The following CAPN11 variants were observed in gnomAD, a reference collection of about 807,000 sequenced individuals.
CAPN11 encodes calpain-11.
Under a neutral mutation model 105.3 loss-of-function variants are expected in CAPN11, and 108 were observed. The observed-to-expected ratio is 1.03, with a 90% CI of 0.88 to 1.20. The LOEUF is 1.20. Among genes scored for constraint, CAPN11 ranks in the 50% most tolerant of loss-of-function variants. CAPN11 has a pLI of 0.00. For synonymous variants in CAPN11, 329 were observed against 344.5 expected, an observed-to-expected ratio of 0.96 and a Z score of 0.50; for missense variants, 883 against 924.8, an observed-to-expected ratio of 0.95 and a Z score of 0.59.
In CAPN11 at chr6:44,179,631, G is replaced by A; in HGVS notation, c.1428+1G>A. 5 of 1,613,244 alleles carry A rather than the reference G, an allele frequency of 3.1e-6. 1 individual carries two copies. The South Asian group carries it at 5.5e-5, about 18-fold the overall frequency. On this transcript the variant is annotated splice_donor_variant, in intron 13 of 22. Transcript: ENST00000398776. LOFTEE classifies it high-confidence loss of function. ...CTTCCCTTCCCAGGTCCCAAAAGAG[G>A]TACAGAAGATAAAGATGTGGGGCTT...
intron 7 of CAPN11, 53 bp downstream of exon 7, chr6:44,173,439 C>T: frequency 8.3e-7 from 1 of 1,206,974 alleles, no homozygotes; most frequent in South Asian, 1.3e-5. Context: ...GTTGCTGTCA[C>T]CCAAAAGGCT....
At chr6:44,158,972 C>T in intron 1 of CAPN11, 108 bp downstream of exon 1, 4 of 633,902 alleles carry the variant, frequency 6.3e-6, no homozygotes, top group Non-Finnish European at 9.3e-6. Flanking sequence ...CTTGAGGGTA[C>T]AGAGAGTGAC....
At chr6:44,172,762 C>T (rs1344999881) in intron 5 of CAPN11, among the ~76,000 whole-genome samples, 178 bp from the exon 6 acceptor site, 3 of 152,214 alleles carry the variant, frequency 2.0e-5, no homozygotes, top group Admixed American at 6.5e-5. Context: ...CCTCTGGAGA[C>T]CGTGGCAGAA....
intron 18 of CAPN11, 48 bp from the exon 19 acceptor site, chr6:44,181,204 T>C (rs1412111465): frequency 6.4e-7 from 1 of 1,561,138 alleles, no homozygotes; most frequent in Non-Finnish European, 8.8e-7. Flanking sequence ...CCCTATCCCC[T>C]GGGATGCCTT....
intron 4 of CAPN11, among the ~76,000 whole-genome samples, chr6:44,170,507 G>T (rs1289258087): frequency 6.6e-6 from 1 of 152,146 alleles, no homozygotes; most frequent in Non-Finnish European, 1.5e-5. Context: ...TTCTCCATGG[G>T]GCTGCTTGAG....
At chr6:44,167,798 C>G (rs62401793) in intron 2 of CAPN11, among the ~76,000 whole-genome samples, 3,127 of 152,016 alleles carry the variant, frequency 0.021, 91 homozygotes, top group Non-Finnish European at 0.027. Context: ...CACCTGTGGT[C>G]CCAGCTACTC....
intron 1 of CAPN11, among the ~76,000 whole-genome samples, chr6:44,166,530 G>A (rs994847574): frequency 7.2e-5 from 11 of 152,126 alleles, no homozygotes; most frequent in African/African-American, 2.7e-4. Context: ...AGGGGAGGAG[G>A]ACTAACTGAG....
intron 7 of CAPN11, 136 bp from the exon 8 acceptor site, chr6:44,175,932 C>A (rs1457567220): frequency 1.6e-6 from 1 of 606,358 alleles, no homozygotes; most frequent in African/African-American, 1.8e-5. Context: ...GCAATTATTT[C>A]AAAATAATGA....
chr6:44,159,464 C>A (rs1768310725), intron 1 of CAPN11, among the ~76,000 whole-genome samples: 3 of 152,100 alleles, frequency 2.0e-5, no homozygotes, highest in Admixed American at 1.3e-4. Context: ...GGGCAGCCAG[C>A]CTTGGCCAGC....
chr6:44,182,285 C>CCACACACA (rs70993439), intron 19 of CAPN11, among the ~76,000 whole-genome samples: 7 of 59,426 alleles, frequency 1.2e-4, no homozygotes, highest in Middle Eastern at 9.6e-3. Context: ...CACAACCACA[C>CCACACACA]CACACACACA....
Position 44,180,992 on chromosome 6 carries a change from A to C in CAPN11, c.1864A>C (p.Met622Leu), listed in dbSNP as rs757579344. ...LDACRCMINLMDKDGSGKLGL... is the reference protein window; with the variant it reads ...LDACRCMINLLDKDGSGKLGL... ...TGCTTGCCGCTGCATGATCAACCTC[A>C]TGGATGTATCCTCCTGTCCAGTGCT... The change falls in exon 18 of 23, where the codon ATG (methionine) becomes CTG (leucine). Residue 622 changes from methionine to leucine, a missense_variant. Transcript: ENST00000398776. The C allele has an allele frequency of 7.4e-6, 12 of 1,612,566 alleles. No homozygotes were observed. Among genetic ancestry groups the C allele is most frequent in the Non-Finnish European group, 9.3e-6 (11 of 1,178,842 alleles).
Position 44,180,447 on chromosome 6 carries a change from T to G in CAPN11, c.1641-13T>G, listed in dbSNP as rs760034477. 1.2e-6 allele frequency: 2 copies of G among 1,612,548 alleles called. No homozygotes were observed. The highest frequency in any genetic ancestry group is 2.7e-5 in the African/African-American group (2 of 74,704). The stretch of plus-strand genomic sequence containing the variant: ...CCCCTGGTAACTCTTGAGCTTTCAA[T>G]CATTTTGCCCAGGGAATTGGATGAA... On this transcript the variant is annotated splice_polypyrimidine_tract_variant and intron_variant, in intron 14 of 22. Coordinates refer to ENST00000398776, the MANE Select transcript of CAPN11 (RefSeq NM_007058.4).
At position 44,177,248 on chromosome 6, in the gene CAPN11, T is replaced by G. The variant is rs1380516254; in HGVS notation, c.1244T>G (p.Phe415Cys). 2 of 1,585,282 alleles carry G rather than the reference T, an allele frequency of 1.3e-6. No homozygotes were observed. The highest frequency in any genetic ancestry group is 4.6e-5 in the East Asian group (2 of 43,480). ...AGGCRNHPGT[F>C]WTNPQFKISL... ...TGACCCACTTCCGCCACAGGCACGTTCTGGACCAACCCCCAGTTTAAGATC... is the reference window on the plus strand; with the variant it reads ...TGACCCACTTCCGCCACAGGCACGTGCTGGACCAACCCCCAGTTTAAGATC... Residue 415 changes from phenylalanine to cysteine, a missense_variant, in exon 12 of 23, where the codon TTC becomes TGC. Physicochemically the swap from Phe to Cys is radical, Grantham distance 205. Coordinates refer to ENST00000398776, the MANE Select transcript of CAPN11 (RefSeq NM_007058.4).
intron 1 of CAPN11, among the ~76,000 whole-genome samples, chr6:44,164,935 G>A (rs1769545193): frequency 6.6e-6 from 1 of 151,944 alleles, no homozygotes; most frequent in Non-Finnish European, 1.5e-5. Flanking sequence ...TGCCACCCAG[G>A]CTGGGGTGCA....
At chr6:44,179,541 A>G (rs1772771906) in intron 12 of CAPN11, 78 bp from the exon 13 acceptor site, 10 of 1,258,708 alleles carry the variant, frequency 7.9e-6, no homozygotes, top group Non-Finnish European at 1.1e-5. Context: ...CACACTATAC[A>G]CATCCCACTT....
chr6:44,170,860 G>A (rs1344121427), intron 4 of CAPN11, among the ~76,000 whole-genome samples: 1 of 151,886 alleles, frequency 6.6e-6, no homozygotes, highest in Non-Finnish European at 1.5e-5. Flanking sequence ...TTCTCCCTAA[G>A]TCTGGTCCCG....
intron 4 of CAPN11, among the ~76,000 whole-genome samples, chr6:44,170,403 A>T (rs1454069367): frequency 6.6e-6 from 1 of 152,122 alleles, no homozygotes; most frequent in Non-Finnish European, 1.5e-5. Flanking sequence ...CTGGGGCTGG[A>T]GGGTCTGCTC....
Position 44,172,358 on chromosome 6 carries a change from T to C in CAPN11, c.466T>C (p.Tyr156His), listed in dbSNP as rs746442126. The change falls in exon 5 of 23, where the codon TAC becomes CAC. Residue 156 changes from tyrosine (Y) to histidine (H), a missense_variant. Transcript: ENST00000398776. ...GSLTTCPKLL[Y>H]RVVPRGQSFK... Reference sequence around the variant, plus strand: ...CCTTACCACCTGCCCCAAACTGCTATACCGCGTGGTGCCCAGAGGACAGAG... The same window carrying C: ...CCTTACCACCTGCCCCAAACTGCTACACCGCGTGGTGCCCAGAGGACAGAG... 5 of 1,562,072 alleles carry C rather than the reference T, an allele frequency of 3.2e-6. No homozygotes were observed. Among genetic ancestry groups the C allele is most frequent in the Non-Finnish European group, 3.5e-6 (4 of 1,153,468 alleles).
chr6:44,163,155 C>T (rs886166575), intron 1 of CAPN11, among the ~76,000 whole-genome samples: 2 of 152,204 alleles, frequency 1.3e-5, no homozygotes, highest in African/African-American at 4.8e-5. Flanking sequence ...AGGTAGAATG[C>T]AGCAGCCTCT....
Sources: allele counts gnomAD v4.1 joint callset (sites outside exome capture counted in the v4.1 genomes callset), GRCh38; gene constraint gnomAD v4.1.1; transcripts MANE v1.5; gene names NCBI Gene and HGNC (gene_info 2026-07-23, HGNC 2026-07-21).